KANK1: variants seen among roughly 807,000 people sequenced by gnomAD.
KANK1 encodes KN motif and ankyrin repeat domains 1, also known as KN motif and ankyrin repeat domain-containing protein 1.
Under a neutral mutation model 106.2 loss-of-function variants are expected in KANK1, and 109 were observed. The ratio of observed to expected loss-of-function variants is 1.03; its 90% CI spans 0.88 to 1.20. The LOEUF is 1.20. Among genes scored for constraint, KANK1 ranks in the 50% most tolerant of loss-of-function variants. The pLI, the probability that KANK1 is intolerant of heterozygous loss-of-function variation, is 0.00. For synonymous variants in KANK1, 873 were observed against 652.2 expected, an observed-to-expected ratio of 1.34 and a Z score of -5.16; for missense variants, 2,399 against 1,710.7, an observed-to-expected ratio of 1.40 and a Z score of -7.10.
In KANK1 at chr9:561,996, A is replaced by T. The variant is rs182359192; in HGVS notation, c.-84+57242A>T. Among the ~76,000 whole-genome samples the T allele has an allele frequency of 3.0e-4, 45 of 151,272 alleles. 1 individual carries two copies. The highest frequency in any genetic ancestry group is 1.1e-3 in the Admixed American group (17 of 15,230). ...AATCTTTCAGCAGATTAACCATTTT[A>T]TAACTTAGGTAAGTTGGGGTTTTCC... On this transcript the variant is annotated intron_variant, in intron 1 of 11. Coordinates refer to ENST00000382297, the MANE Select transcript of KANK1 (RefSeq NM_015158.5).
intron 1 of KANK1, among the ~76,000 whole-genome samples, chr9:583,908 A>G (rs565941126): frequency 1.9e-4 from 29 of 152,242 alleles, no homozygotes; most frequent in African/African-American, 6.7e-4. Context: ...TTAAATCTAT[A>G]CAATACAATT....
intron 2 of KANK1, among the ~76,000 whole-genome samples, chr9:690,372 A>G (rs1382061029): frequency 6.6e-6 from 1 of 151,952 alleles, no homozygotes; most frequent in Non-Finnish European, 1.5e-5. Flanking sequence ...TTTCAGTACC[A>G]AAATAGTATG....
At chr9:562,376 C>G (rs536338527) in intron 1 of KANK1, among the ~76,000 whole-genome samples, 14 of 152,320 alleles carry the variant, frequency 9.2e-5, no homozygotes, top group Admixed American at 1.3e-4. Context: ...TTTCTACACC[C>G]TGCCAGAGCT....
intron 1 of KANK1, among the ~76,000 whole-genome samples, chr9:517,265 A>G (rs1378841042): frequency 6.6e-6 from 1 of 151,400 alleles, no homozygotes; most frequent in Admixed American, 6.6e-5. Flanking sequence ...CACCATGCCT[A>G]GCTAATTTTT....
upstream of KANK1, among the ~76,000 whole-genome samples, chr9:500,910 C>T (rs991492716): frequency 6.6e-6 from 1 of 152,132 alleles, no homozygotes; most frequent in Non-Finnish European, 1.5e-5. Context: ...GGAAAGATTA[C>T]AACATATGAC....
chr9:583,559 T>C (rs1030446503), intron 1 of KANK1, among the ~76,000 whole-genome samples: 16 of 152,028 alleles, frequency 1.1e-4, no homozygotes, highest in African/African-American at 3.6e-4. Flanking sequence ...GATCCCTCAG[T>C]ATCCTTATAT....
intron 3 of KANK1, among the ~76,000 whole-genome samples, chr9:477,308 A>G (rs1181242609): frequency 6.6e-6 from 1 of 152,070 alleles, no homozygotes; most frequent in African/African-American, 2.4e-5. Context: ...CAAACAGAAA[A>G]AAAAAAAAAA....
At chr9:640,155 A>C (rs1838074740) in intron 1 of KANK1, among the ~76,000 whole-genome samples, 1 of 152,202 alleles carries the variant, frequency 6.6e-6, no homozygotes, top group Admixed American at 6.5e-5. Context: ...CATGAGGTTA[A>C]AGACTCTTGG....
chr9:497,196 C>T (rs2058469534), intron 3 of KANK1, among the ~76,000 whole-genome samples: 1 of 151,886 alleles, frequency 6.6e-6, no homozygotes, highest in Non-Finnish European at 1.5e-5. Flanking sequence ...TCTTTTCCTT[C>T]AACATTTAGT....
intron 3 of KANK1, among the ~76,000 whole-genome samples, chr9:482,828 A>G (rs771685374): frequency 5.6e-5 from 8 of 142,992 alleles, no homozygotes; most frequent in Non-Finnish European, 1.2e-4. Context: ...GTCCAAATAT[A>G]TGAAACAGAA....
intron 1 of KANK1, among the ~76,000 whole-genome samples, chr9:511,266 C>T (rs555360336): frequency 6.6e-6 from 1 of 152,266 alleles, no homozygotes; most frequent in Admixed American, 6.5e-5. Context: ...CAGTGCTTGA[C>T]ACATAATACC....
chr9:533,750 A>T (rs2060169970), intron 1 of KANK1, among the ~76,000 whole-genome samples: 1 of 152,214 alleles, frequency 6.6e-6, no homozygotes, highest in Non-Finnish European at 1.5e-5. Flanking sequence ...TGCAAAGGTC[A>T]TGGGAGCTTT....
At chr9:554,471 A>G (rs1272237283) in intron 1 of KANK1, among the ~76,000 whole-genome samples, 1 of 152,222 alleles carries the variant, frequency 6.6e-6, no homozygotes, top group African/African-American at 2.4e-5. Context: ...TTAGAAAAAA[A>G]GTGCGGTTTG....
At chr9:713,542 A>G (rs1826808366) in intron 3 of KANK1, 78 bp downstream of exon 3, 1 of 1,438,244 alleles carries the variant, frequency 7.0e-7, no homozygotes, top group Non-Finnish European at 9.3e-7. Context: ...ATTATTTTTT[A>G]ACTGCTGGAA....
chr9:507,732 A>G (rs2058830327), intron 1 of KANK1, among the ~76,000 whole-genome samples: 1 of 151,792 alleles, frequency 6.6e-6, no homozygotes, highest in African/African-American at 2.4e-5. Flanking sequence ...TAATTTTTGT[A>G]TTTTTAGTAG....
intron 1 of KANK1, among the ~76,000 whole-genome samples, chr9:649,614 C>T (rs1192714090): frequency 6.6e-6 from 1 of 152,212 alleles, no homozygotes; most frequent in Non-Finnish European, 1.5e-5. Flanking sequence ...TGTTTGTTCA[C>T]TGTGGCACAG....
intron 1 of KANK1, among the ~76,000 whole-genome samples, chr9:511,060 A>G (rs1275070282): frequency 6.6e-6 from 1 of 152,218 alleles, no homozygotes; most frequent in East Asian, 1.9e-4. Context: ...AATTGTATTA[A>G]TAGGCAAAAT....
intron 3 of KANK1, among the ~76,000 whole-genome samples, chr9:726,236 T>C (rs1830602170): frequency 6.6e-6 from 1 of 152,146 alleles, no homozygotes; most frequent in Non-Finnish European, 1.5e-5. Flanking sequence ...GGCCAGCCTT[T>C]CTTCTCTTGG....
At chr9:579,496 G>C (rs1474435156) in intron 1 of KANK1, among the ~76,000 whole-genome samples, 3 of 152,168 alleles carry the variant, frequency 2.0e-5, no homozygotes, top group Non-Finnish European at 4.4e-5. Context: ...CTCCAGCTCT[G>C]TTGTGTCGTC....
Sources: allele counts gnomAD v4.1 joint callset (sites outside exome capture counted in the v4.1 genomes callset), GRCh38; gene constraint gnomAD v4.1.1; transcripts MANE v1.5; gene names NCBI Gene and HGNC (gene_info 2026-07-23, HGNC 2026-07-21).